Variants in NYAP2 observed in about 807,000 individuals in gnomAD.
NYAP2 encodes the protein neuronal tyrosine-phosphorylated phosphoinositide-3-kinase adaptor 2, also known as neuronal tyrosine-phosphorylated phosphoinositide-3-kinase adapter 2.
A neutral mutation model predicts 50.4 loss-of-function variants in NYAP2; 23 were observed. The ratio of observed to expected loss-of-function variants is 0.46; its 90% CI spans 0.33 to 0.65. The LOEUF is 0.65. NYAP2 is among the 30% of genes least tolerant of loss of function. The probability of loss-of-function intolerance (pLI) is 0.02; values close to 1 mark genes in which losing one functional copy is unlikely to be tolerated. For missense variants in NYAP2, 885 were observed against 861.0 expected (o/e 1.03, Z -0.35); for synonymous variants, 394 against 365.2 (o/e 1.08, Z -0.90).
chr2:225,535,404 A>G (rs566985534), intron 4 of NYAP2, among the ~76,000 whole-genome samples: 4 of 152,336 alleles, frequency 2.6e-5, no homozygotes, highest in African/African-American at 9.6e-5. Context: ...ACGTATGTAG[A>G]TATCTTGTAA....
chr2:225,678,231 T>G, the NYAP2 span, among the ~76,000 whole-genome samples: 1 of 152,270 alleles, frequency 6.6e-6, no homozygotes, highest in Non-Finnish European at 1.5e-5. Context: ...TCTGAGGATC[T>G]TTTGTATTTC....
At chr2:225,533,312 A>G (rs1691290551) in intron 4 of NYAP2, among the ~76,000 whole-genome samples, 1 of 152,082 alleles carries the variant, frequency 6.6e-6, no homozygotes, top group Non-Finnish European at 1.5e-5. Context: ...TCCATATACA[A>G]TCATTATTTA....
chr2:225,685,420 T>A, the NYAP2 span, among the ~76,000 whole-genome samples: 1 of 152,192 alleles, frequency 6.6e-6, no homozygotes, highest in Non-Finnish European at 1.5e-5. Flanking sequence ...TGCTTGTTCC[T>A]TCAGGGAATA....
intron 5 of NYAP2, among the ~76,000 whole-genome samples, chr2:225,587,414 G>A (rs1011678426): frequency 1.3e-5 from 2 of 152,060 alleles, no homozygotes; most frequent in African/African-American, 4.8e-5. Context: ...ATAAACTAAG[G>A]CACTAAGATA....
chr2:225,448,927 G>C (rs1689604497), intron 3 of NYAP2, among the ~76,000 whole-genome samples: 1 of 152,156 alleles, frequency 6.6e-6, no homozygotes, highest in Non-Finnish European at 1.5e-5. Flanking sequence ...AAAAGGACAC[G>C]ATGTGTTTAT....
At chr2:225,618,784 A>G (rs1559231534) in intron 5 of NYAP2, among the ~76,000 whole-genome samples, 1 of 152,230 alleles carries the variant, frequency 6.6e-6, no homozygotes, top group South Asian at 2.1e-4. Flanking sequence ...ACTTGGTTCT[A>G]AGGGCCTTGG....
At chr2:225,449,581 ATC>A (rs995035245) in intron 3 of NYAP2, among the ~76,000 whole-genome samples, 4 of 143,306 alleles carry the variant, frequency 2.8e-5, no homozygotes, top group Non-Finnish European at 4.6e-5. Flanking sequence ...AGGAAACCAG[ATC>A]TCTCTCTCTC....
chr2:225,662,409 C>T, the NYAP2 span, among the ~76,000 whole-genome samples: 3 of 152,242 alleles, frequency 2.0e-5, no homozygotes, highest in Non-Finnish European at 4.4e-5. Context: ...CACATGCACA[C>T]ATAGATATCA....
chr2:225,414,314 A>C (rs1373793004), intron 3 of NYAP2, among the ~76,000 whole-genome samples: 3 of 152,334 alleles, frequency 2.0e-5, no homozygotes, highest in Non-Finnish European at 2.9e-5. Context: ...AGAGAAAAAG[A>C]CTTAAAGGAA....
chr2:225,502,192 G>A (rs992348831), intron 3 of NYAP2, among the ~76,000 whole-genome samples: 1 of 152,190 alleles, frequency 6.6e-6, no homozygotes, highest in Admixed American at 6.5e-5. Flanking sequence ...TCAGCTAAGA[G>A]GCAATTGCAT....
intron 3 of NYAP2, among the ~76,000 whole-genome samples, chr2:225,474,013 C>T (rs1690058498): frequency 6.6e-6 from 1 of 152,194 alleles, no homozygotes. Context: ...GATCCAGTTT[C>T]AGCTTTCTAC....
chr2:225,449,905 C>A (rs1238837117), intron 3 of NYAP2, among the ~76,000 whole-genome samples: 2 of 152,094 alleles, frequency 1.3e-5, no homozygotes, highest in African/African-American at 4.8e-5. Context: ...TCATGAGCCA[C>A]CACACCCGGC....
intron 3 of NYAP2, among the ~76,000 whole-genome samples, chr2:225,452,340 A>G (rs144943430): frequency 5.4e-4 from 83 of 152,338 alleles, no homozygotes; most frequent in Non-Finnish European, 1.6e-4. Context: ...GTGCTCAACA[A>G]ATATGAGCTA....
intron 4 of NYAP2, among the ~76,000 whole-genome samples, chr2:225,518,971 CTG>C (rs1690993377): frequency 6.6e-6 from 1 of 151,918 alleles, no homozygotes; most frequent in African/African-American, 2.4e-5. Flanking sequence ...TGAGCTGAGA[CTG>C]TGCTACTGAA....
intron 6 of NYAP2, among the ~76,000 whole-genome samples, chr2:225,640,200 G>A (rs980759727): frequency 6.6e-6 from 1 of 152,134 alleles, no homozygotes; most frequent in African/African-American, 2.4e-5. Context: ...TTATAAATCC[G>A]AAGGAGAACT....
chr2:225,563,468 T>C (rs1005760593), intron 4 of NYAP2, among the ~76,000 whole-genome samples: 3 of 151,962 alleles, frequency 2.0e-5, no homozygotes, highest in Admixed American at 1.3e-4. Context: ...GGGGTGAGCA[T>C]TGTGAGATGT....
At chr2:225,443,631 T>C (rs1243417504) in intron 3 of NYAP2, among the ~76,000 whole-genome samples, 8 of 151,958 alleles carry the variant, frequency 5.3e-5, no homozygotes, top group Non-Finnish European at 1.2e-4. Flanking sequence ...GAAAAGGAAA[T>C]ATCATACATC....
intron 3 of NYAP2, among the ~76,000 whole-genome samples, chr2:225,476,810 A>G (rs1355667494): frequency 6.6e-6 from 1 of 152,210 alleles, no homozygotes; most frequent in African/African-American, 2.4e-5. Context: ...TAAGATACAG[A>G]TAATAGTAAA....
At chr2:225,588,066 A>G (rs555601632) in intron 5 of NYAP2, among the ~76,000 whole-genome samples, 16 of 152,196 alleles carry the variant, frequency 1.1e-4, no homozygotes, top group Admixed American at 1.0e-3. Flanking sequence ...CTGGGATTTA[A>G]GGCATGCACC....
Sources: allele counts gnomAD v4.1 joint callset (sites outside exome capture counted in the v4.1 genomes callset), GRCh38; gene constraint gnomAD v4.1.1; transcripts MANE v1.5; gene names NCBI Gene and HGNC (gene_info 2026-07-23, HGNC 2026-07-21).